Variants in ABCA8 observed in about 807,000 individuals in gnomAD.
ABCA8 encodes ABC-type organic anion transporter ABCA8.
A neutral mutation model predicts 192.3 loss-of-function variants in ABCA8; 177 were observed. That is an observed-to-expected ratio of 0.92 (90% confidence interval 0.81 to 1.04). The LOEUF (loss-of-function observed/expected upper bound fraction) is 1.04. Ranked by LOEUF, ABCA8 falls within the 50% of genes least tolerant of loss-of-function variation. The pLI, the probability that ABCA8 is intolerant of heterozygous loss-of-function variation, is 0.00. For missense variants in ABCA8, 1,915 were observed against 1,904.8 expected (o/e 1.01, Z -0.10); for synonymous variants, 642 against 690.2 (o/e 0.93, Z 1.09).
chr17:68,928,961 C>T, intron 9 of ABCA8, 88 bp downstream of exon 9: 1 of 1,141,092 alleles, frequency 8.8e-7, no homozygotes, highest in Non-Finnish European at 1.1e-6. Flanking sequence ...CCTTACAATG[C>T]TGAGTTTGTA....
intron 20 of ABCA8, 53 bp downstream of exon 20, chr17:68,903,248 G>C: frequency 1.3e-6 from 2 of 1,580,120 alleles, no homozygotes; most frequent in Non-Finnish European, 1.7e-6. Context: ...CCTTAGATTT[G>C]CTTTTTAACG....
chr17:68,875,174 T>G, intron 37 of ABCA8, 86 bp downstream of exon 37: 1 of 1,551,822 alleles, frequency 6.4e-7, no homozygotes, highest in Non-Finnish European at 8.8e-7. Flanking sequence ...TCTTTTAGGT[T>G]TTCCTTTTGA....
At chr17:68,880,815 G>T in intron 32 of ABCA8, 1 of 382,826 alleles carries the variant, frequency 2.6e-6, no homozygotes, top group South Asian at 2.6e-5. Context: ...GGCATGAACA[G>T]AGTGCAGCCT....
Position 68,891,473 on chromosome 17 carries a change from A to T in ABCA8, c.3144+16T>A. 1 of 1,551,818 alleles carries T rather than the reference A, an allele frequency of 6.4e-7. No individual in the cohort carries two copies. Among genetic ancestry groups the T allele is most frequent in the Non-Finnish European group, 8.8e-7 (1 of 1,132,160 alleles). On this transcript the variant is annotated intron_variant, in intron 24 of 39. Coordinates refer to ENST00000586539, the MANE Select transcript of ABCA8 (RefSeq NM_001288985.2). The stretch of plus-strand genomic sequence containing the variant: ...AATTATGCAAAATAATGGAAGTTGC[A>T]ATTACTCATTATTACCTTATAATCA...
chr17:68,893,721 C>CTTTTTTTTTTTTTTTTTTTTTTTT (rs5821690), intron 23 of ABCA8, among the ~76,000 whole-genome samples: 2 of 127,698 alleles, frequency 1.6e-5, no homozygotes, highest in Admixed American at 8.4e-5. Flanking sequence ...TTCATATTCT[C>CTTTTTTTTTTTTTTTTTTTTTTTT]TTTTTTTTTT....
rs569429243 is a variant in ABCA8 at position 68,884,397 on chromosome 17, C to G, written c.3550-1G>C. 1 of 1,584,592 alleles carries G rather than the reference C, an allele frequency of 6.3e-7. No individual in the cohort carries two copies. Among genetic ancestry groups the G allele is most frequent in the South Asian group, 1.2e-5 (1 of 84,590 alleles). On this transcript the variant is annotated splice_acceptor_variant, in intron 27 of 39. Coordinates refer to ENST00000586539, the MANE Select transcript of ABCA8 (RefSeq NM_001288985.2). LOFTEE classifies it high-confidence loss of function. Reference sequence around the variant, plus strand: ...CAGAAAAGAGAGAAGAAAAGAGAAGCTGCAAAAGAAAAGACAATTGCTAAA... The same window carrying G: ...CAGAAAAGAGAGAAGAAAAGAGAAGGTGCAAAAGAAAAGACAATTGCTAAA...
At chr17:68,902,986 CAATT>C (rs1287955771) in intron 20 of ABCA8, 107 bp from the exon 21 acceptor site, 5 of 976,698 alleles carry the variant, frequency 5.1e-6, no homozygotes, top group Non-Finnish European at 7.5e-6. Context: ...AAATTAAACA[CAATT>C]AACTGTCACA....
chr17:68,931,930 G>C (rs2067895596), intron 7 of ABCA8: 1 of 187,534 alleles, frequency 5.3e-6, no homozygotes, highest in Non-Finnish European at 1.1e-5. Context: ...CATTGAAGAG[G>C]CCGGGCGTGG....
intron 17 of ABCA8, among the ~76,000 whole-genome samples, chr17:68,914,260 T>C (rs1474885145): frequency 2.0e-5 from 3 of 152,066 alleles, no homozygotes; most frequent in Non-Finnish European, 2.9e-5. Flanking sequence ...ACTTTCACCA[T>C]TGTTATTCAA....
intron 9 of ABCA8, among the ~76,000 whole-genome samples, chr17:68,928,771 G>T (rs2067770343): frequency 6.6e-6 from 1 of 152,132 alleles, no homozygotes; most frequent in South Asian, 2.1e-4. Flanking sequence ...AATTAGATTT[G>T]CCACATGTCC....
chr17:68,882,976 C>A (rs1209232030), intron 29 of ABCA8, among the ~76,000 whole-genome samples: 1 of 151,902 alleles, frequency 6.6e-6, no homozygotes, highest in Admixed American at 6.6e-5. Flanking sequence ...TTCTGGGAAC[C>A]CTGGCTTTGA....
At chr17:68,912,444 G>A (rs1315456275) in intron 17 of ABCA8, among the ~76,000 whole-genome samples, 1 of 151,888 alleles carries the variant, frequency 6.6e-6, no homozygotes, top group Non-Finnish European at 1.5e-5. Flanking sequence ...ATGCCTACAA[G>A]ATCTAAAAAA....
chr17:68,913,686 A>G (rs559669116), intron 17 of ABCA8, among the ~76,000 whole-genome samples: 2 of 152,250 alleles, frequency 1.3e-5, no homozygotes. Context: ...TGAACCGTGA[A>G]GAAATCCAAA....
At chr17:68,881,337 T>C in intron 31 of ABCA8, 126 bp from the exon 32 acceptor site, 1 of 683,354 alleles carries the variant, frequency 1.5e-6, no homozygotes, top group South Asian at 1.9e-5. Flanking sequence ...ACAACCACCC[T>C]GAGAAGTTGT....
chr17:68,885,128 A>G, intron 27 of ABCA8, 68 bp downstream of exon 27: 2 of 1,524,854 alleles, frequency 1.3e-6, no homozygotes, highest in South Asian at 1.3e-5. Flanking sequence ...TAGACCTTCA[A>G]CATTGGGCAA....
At position 68,910,065 on chromosome 17, in the gene ABCA8, G is replaced by A. The variant is rs550193972; in HGVS notation, c.2139-2186C>T. 1.0e-3 allele frequency among the ~76,000 whole-genome samples: 155 copies of A among 152,272 alleles called. 1 individual carries two copies. The South Asian group carries it at 0.014, about 14-fold the overall frequency. ...AAACAATAGAAGATTTAGGAGGGGA[G>A]GTAGAGCAAGGTGGCCAGATAGAAC... On this transcript the variant is annotated intron_variant, in intron 17 of 39. Transcript: ENST00000586539.
At chr17:68,883,620 T>C (rs2066388614) in intron 29 of ABCA8, among the ~76,000 whole-genome samples, 171 bp downstream of exon 29, 1 of 152,218 alleles carries the variant, frequency 6.6e-6, no homozygotes, top group Non-Finnish European at 1.5e-5. Flanking sequence ...CACTAGATCA[T>C]AATCTTCTTG....
At chr17:68,934,526 G>A (rs1030164907) in intron 5 of ABCA8, among the ~76,000 whole-genome samples, 1 of 152,180 alleles carries the variant, frequency 6.6e-6, no homozygotes, top group Non-Finnish European at 1.5e-5. Flanking sequence ...TTAGTTTGCA[G>A]AAGCAGGTGA....
chr17:68,941,696 T>C (rs2068233889), intron 3 of ABCA8, among the ~76,000 whole-genome samples: 1 of 152,194 alleles, frequency 6.6e-6, no homozygotes, highest in Admixed American at 6.6e-5. Context: ...TTAAAACATG[T>C]ATTGATTTCT....
Sources: gnomAD v4.1 joint callset for allele counts (sites outside exome capture counted in the v4.1 genomes callset) on GRCh38, gnomAD v4.1.1 for gene constraint, MANE v1.5 for transcripts, NCBI Gene and HGNC (gene_info 2026-07-23, HGNC 2026-07-21) for gene names.